The following SMARCD3 variants were observed in gnomAD, a reference collection of about 807,000 sequenced individuals.
SMARCD3 encodes the protein SWI/SNF-related matrix-associated actin-dependent regulator of chromatin subfamily D member 3.
A neutral mutation model predicts 58.0 loss-of-function variants in SMARCD3; 14 were observed. The observed-to-expected ratio is 0.24, with a 90% CI of 0.16 to 0.38. The LOEUF (loss-of-function observed/expected upper bound fraction) is 0.38, where lower values mean the gene tolerates loss of function less well. Among genes scored for constraint, SMARCD3 ranks in the 10% least tolerant of loss-of-function variants. The pLI, the probability that SMARCD3 is intolerant of heterozygous loss-of-function variation, is 1.00. For missense variants in SMARCD3, 408 were observed against 636.9 expected, an observed-to-expected ratio of 0.64 and a Z score of 3.87; for synonymous variants, 253 against 253.8, an observed-to-expected ratio of 1.00 and a Z score of 0.03.
intron 2 of SMARCD3, among the ~76,000 whole-genome samples, chr7:151,274,087 C>T (rs1407475030): frequency 6.6e-6 from 1 of 152,288 alleles, no homozygotes; most frequent in East Asian, 1.9e-4. Flanking sequence ...CTGATGTCTC[C>T]CTCCTCAGTG....
At chr7:151,240,080 T>A (rs749642669) in intron 10 of SMARCD3, 32 bp downstream of exon 10, 23 of 1,612,590 alleles carry the variant, frequency 1.4e-5, no homozygotes, top group East Asian at 2.2e-5. Context: ...TCTGGGTTAA[T>A]GTCCCACTCC....
chr7:151,258,363 G>A lies in SMARCD3; in HGVS notation c.40-12692C>T, dbSNP rs376234587. Among the ~76,000 whole-genome samples, 438 of 152,112 alleles carry A rather than the reference G, an allele frequency of 2.9e-3. 5 individuals carry two copies. Among genetic ancestry groups the A allele is most frequent in the African/African-American group, 9.7e-3 (401 of 41,508 alleles). ...GTGGATCATTTGAGGTCAGGAGTTC[G>A]AGAGCAGCCTGGCCAACATGGTGAA... On this transcript the variant is annotated intron_variant, in intron 2 of 13. Transcript: ENST00000356800.
Position 151,275,012 on chromosome 7 carries a change from C to T in SMARCD3, c.39+102G>A, listed in dbSNP as rs538527185. On this transcript the variant is annotated intron_variant, in intron 2 of 13. Coordinates refer to the SMARCD3 transcript ENST00000356800. ...GGAGTCCAGCTGGGGGCAGAAATGC[C>T]GGGAGGGGGCCATGTGGTGGGAGCA... 57 of 935,734 alleles carry T rather than the reference C, an allele frequency of 6.1e-5. No homozygotes were observed. The South Asian group carries it at 7.1e-4, about 12-fold the overall frequency. 58.0% of individuals were successfully genotyped at this position (935,734 alleles called of 1,614,324 possible).
rs533526001 is a variant in SMARCD3, at chr7:151,270,921, C to A, written c.39+4193G>T. Among the ~76,000 whole-genome samples the A allele has an allele frequency of 3.3e-5, 5 of 152,182 alleles. No homozygotes were observed. The South Asian group carries it at 1.0e-3, about 32-fold the overall frequency. On this transcript the variant is annotated intron_variant, in intron 2 of 13. Coordinates refer to the SMARCD3 transcript ENST00000356800. ...TTGACACTTATCTAGGAAATAAAAT[C>A]AAATAAAAGGATGTGGCAGTTGTTC...
rs1390556224 is a variant in SMARCD3, at chr7:151,242,142, C to T, written c.670G>A (p.Val224Ile). 3.7e-6 allele frequency: 6 copies of T among 1,610,374 alleles called. No homozygotes were observed. The highest frequency in any genetic ancestry group is 1.1e-5 in the South Asian group (1 of 91,024). Reference sequence around the variant, plus strand: ...GGAGGGGCTCTTGGTCTTACCTCAACGAGGTGGTTGTCAGGGCCATAAAGA... The same window carrying T: ...GGAGGGGCTCTTGGTCTTACCTCAATGAGGTGGTTGTCAGGGCCATAAAGA... Reference protein sequence around the residue: ...KDLYGPDNHLVEWHRTPTTQE... With the variant: ...KDLYGPDNHLIEWHRTPTTQE... Residue 224 changes from valine to isoleucine, a missense_variant, in exon 6 of 13, where the codon GTT (valine) becomes ATT (isoleucine). Physicochemically the swap from Val to Ile is conservative, Grantham distance 29. This residue lies in a region of SMARCD3 where 115 missense variants were observed against 257.2 expected (regional missense o/e 0.45). Coordinates refer to ENST00000262188, the MANE Select transcript of SMARCD3 (RefSeq NM_001003801.2). This position sits in a 1 kb window ranked among gnomAD's most constrained non-coding sequence, Gnocchi z 4.7.
rs1339043803 is a variant in SMARCD3, at chr7:151,239,423, C to T, written c.1371G>A (p.Glu457=). The change falls in exon 12 of 13, where the codon GAG becomes GAA. Residue 457 remains glutamate, a synonymous_variant. Transcript: ENST00000262188. This position sits in a 1 kb window ranked among gnomAD's most constrained non-coding sequence, Gnocchi z 7.0. ...AEFYHQPWSQ[E]AVSRYFYCKI... ...TGCAGTAGAAGTAGCGACTGACGGC[C>T]TCCTGGGACCAGGGCTGGTGGTAGA... 6.2e-7 allele frequency: 1 copy of T among 1,613,760 alleles called. No homozygotes were observed. Among genetic ancestry groups the T allele is most frequent in the East Asian group, 2.2e-5 (1 of 44,860 alleles).
intron 2 of SMARCD3, among the ~76,000 whole-genome samples, chr7:151,257,270 T>C (rs540134356): frequency 2.6e-5 from 4 of 152,284 alleles, no homozygotes; most frequent in African/African-American, 9.6e-5. Context: ...AAGAGTTGTC[T>C]CATTTGTGCT....
At chr7:151,251,112 G>A (rs1584880084), upstream of SMARCD3, among the ~76,000 whole-genome samples, 2 of 152,172 alleles carry the variant, frequency 1.3e-5, no homozygotes, top group East Asian at 3.9e-4. Context: ...GAAGTTTGAG[G>A]CAGGGCCTGG....
rs1377028344 is a variant in SMARCD3, at chr7:151,241,824, C to T, written c.777+53G>A. ...AAGATGCACCACTTTGGGACCTAGC[C>T]CTGCCCTGAGGGCCTTGTGTGGCGT... On this transcript the variant is annotated intron_variant, in intron 7 of 12. Transcript: ENST00000262188. This position sits in a 1 kb window ranked among gnomAD's most constrained non-coding sequence, Gnocchi z 5.3. 4.0e-6 allele frequency: 6 copies of T among 1,516,246 alleles called. No homozygotes were observed. The highest frequency in any genetic ancestry group is 1.7e-4 in the Middle Eastern group (1 of 5,882). 93.9% of individuals were successfully genotyped at this position (1,516,246 alleles called of 1,614,324 possible). A position where few individuals can be genotyped will look rare whatever the true frequency, so the allele number is the denominator to read the frequency against.
chr7:151,242,005 C>T lies in SMARCD3; in HGVS notation c.676-27G>A. 1 of 1,594,940 alleles carries T rather than the reference C, an allele frequency of 6.3e-7. No individual in the cohort carries two copies. Among genetic ancestry groups the T allele is most frequent in the Non-Finnish European group, 8.6e-7 (1 of 1,165,056 alleles). The stretch of plus-strand genomic sequence containing the variant: ...TGTCCAGGAGAGAAGAGCTGTGTCT[C>T]CCAAAGGCCCATCTGGAGTGGTGGG... On this transcript the variant is annotated intron_variant, in intron 6 of 12. Coordinates refer to ENST00000262188, the MANE Select transcript of SMARCD3 (RefSeq NM_001003801.2). This position sits in a 1 kb window ranked among gnomAD's most constrained non-coding sequence, Gnocchi z 4.7.
At chr7:151,271,873 C>T (rs935939675) in intron 2 of SMARCD3, among the ~76,000 whole-genome samples, 4 of 152,148 alleles carry the variant, frequency 2.6e-5, no homozygotes, top group East Asian at 1.9e-4. Flanking sequence ...AAAGCAGGAT[C>T]GCCTGAGCCC....
intron 2 of SMARCD3, among the ~76,000 whole-genome samples, chr7:151,273,913 G>A (rs1487441736): frequency 6.6e-6 from 1 of 152,250 alleles, no homozygotes; most frequent in East Asian, 1.9e-4. Context: ...GGGGAACGGG[G>A]CTGTCCCTGG....
At chr7:151,272,481 T>G (rs1425648101) in intron 2 of SMARCD3, among the ~76,000 whole-genome samples, 1 of 152,120 alleles carries the variant, frequency 6.6e-6, no homozygotes, top group Admixed American at 6.5e-5. Flanking sequence ...ACAGTGTCCC[T>G]CACTCTAGGG....
At chr7:151,252,502 G>A (rs1344976411), upstream of SMARCD3, among the ~76,000 whole-genome samples, 1 of 152,054 alleles carries the variant, frequency 6.6e-6, no homozygotes, top group African/African-American at 2.4e-5. Context: ...AAGAGAGAGG[G>A]AGAAAGTGAG....
chr7:151,238,956 A>G lies in SMARCD3; in HGVS notation c.*147T>C. ...TCTCCCCCTCCCCTCCCCAGTTTCC[A>G]ATGACCACACGGCTGCTGTCAGATG... On this transcript the variant is annotated 3_prime_UTR_variant, in exon 13 of 13. Coordinates refer to ENST00000262188, the MANE Select transcript of SMARCD3 (RefSeq NM_001003801.2). 1.9e-6 allele frequency: 2 copies of G among 1,066,278 alleles called. No homozygotes were observed. Among genetic ancestry groups the G allele is most frequent in the South Asian group, 1.4e-5 (1 of 72,776 alleles). The allele number at this position is 1,066,278 out of a possible 1,614,324, so 66.1% of individuals were successfully genotyped here. A position where few individuals can be genotyped will look rare whatever the true frequency, so the allele number is the denominator to read the frequency against.
chr7:151,268,722 C>T (rs1341559002), intron 2 of SMARCD3, among the ~76,000 whole-genome samples: 1 of 152,036 alleles, frequency 6.6e-6, no homozygotes, highest in Non-Finnish European at 1.5e-5. Flanking sequence ...ACAGCACTTA[C>T]CTTATAGTGT....
Position 151,242,242 on chromosome 7 carries a change from A to G in SMARCD3, c.580-10T>C, listed in dbSNP as rs532045269. ...GCTTCTGTTTGCTGGGCTGTGGGAG[A>G]GCAACAGGGACCATGGGGGCAGAAC... On this transcript the variant is annotated splice_polypyrimidine_tract_variant and intron_variant, in intron 5 of 12. Transcript: ENST00000262188. This position sits in a 1 kb window ranked among gnomAD's most constrained non-coding sequence, Gnocchi z 4.7. 69 of 1,608,178 alleles carry G rather than the reference A, an allele frequency of 4.3e-5. No individual in the cohort carries two copies. The East Asian group carries it at 1.2e-3, about 27-fold the overall frequency.
At chr7:151,274,696 G>A (rs567554901) in intron 2 of SMARCD3, among the ~76,000 whole-genome samples, 11 of 152,252 alleles carry the variant, frequency 7.2e-5, no homozygotes, top group African/African-American at 1.2e-4. Context: ...GCATGTGCAC[G>A]TATGTGCACG....
intron 2 of SMARCD3, among the ~76,000 whole-genome samples, chr7:151,260,877 T>C (rs1002613999): frequency 6.6e-6 from 1 of 152,006 alleles, no homozygotes; most frequent in African/African-American, 2.4e-5. Flanking sequence ...GTAAGTGGGA[T>C]TGAGAAAGAG....
Sources: gnomAD v4.1 joint callset for allele counts (sites outside exome capture counted in the v4.1 genomes callset) on GRCh38, gnomAD v4.1.1 for gene constraint, gnomAD v4.1.1 regional missense constraint, Gnocchi (gnomAD v3.1) non-coding constraint, MANE v1.5 for transcripts, NCBI Gene and HGNC (gene_info 2026-07-23, HGNC 2026-07-21) for gene names.